The following ZBTB7B variants were observed in gnomAD, a reference collection of about 807,000 sequenced individuals.
The protein encoded by ZBTB7B is zinc finger and BTB domain-containing protein 7B.
A neutral mutation model predicts 31.0 loss-of-function variants in ZBTB7B; 8 were observed. The ratio of observed to expected loss-of-function variants is 0.26; its 90% CI spans 0.15 to 0.47. The LOEUF is 0.47. Ranked by LOEUF, ZBTB7B falls within the 20% of genes least tolerant of loss-of-function variation. ZBTB7B has a pLI of 0.99. For synonymous variants in ZBTB7B, 261 were observed against 307.3 expected (o/e 0.85, Z 1.58); for missense variants, 494 against 742.4 (o/e 0.67, Z 3.89).
intron 1 of ZBTB7B, among the ~76,000 whole-genome samples, chr1:155,005,236 G>C (rs1331395812): frequency 2.0e-5 from 3 of 152,120 alleles, no homozygotes; most frequent in Non-Finnish European, 4.4e-5. Context: ...AGCGCTCTGG[G>C]GTGGGGACAG....
chr1:155,012,568 G>A (rs751558936), intron 1 of ZBTB7B, among the ~76,000 whole-genome samples: 100 of 152,184 alleles, frequency 6.6e-4, no homozygotes, highest in Non-Finnish European at 1.2e-3. Flanking sequence ...CTCCCAGATG[G>A]CTTGGTTCCT....
rs1658343260 is a variant in ZBTB7B, at chr1:155,003,205, G to A, written c.-7+262G>A. ...CAGAAAGTTTATCTGCACTTCTCCT[G>A]GGATCAGACAGACAGACGGCTTCGG... On this transcript the variant is annotated intron_variant, in intron 1 of 2. Coordinates refer to ENST00000535420, the MANE Select transcript of ZBTB7B (RefSeq NM_001256455.2). The surrounding 1 kb of genome is among the most constrained non-coding windows in gnomAD (Gnocchi z 5.8). Among the ~76,000 whole-genome samples, 1 of 152,192 alleles carries A rather than the reference G, an allele frequency of 6.6e-6. No individual in the cohort carries two copies. The highest frequency in any genetic ancestry group is 1.5e-5 in the Non-Finnish European group (1 of 68,030).
chr1:155,009,538 G>A (rs771744836), intron 1 of ZBTB7B, among the ~76,000 whole-genome samples: 23 of 152,088 alleles, frequency 1.5e-4, no homozygotes, highest in Non-Finnish European at 2.6e-4. Context: ...GGCACCCTCC[G>A]GGGAAAGTCC....
At position 155,011,079 on chromosome 1, in the gene ZBTB7B, T is replaced by C. The variant is rs1003456345; in HGVS notation, c.-6-3576T>C. Reference sequence around the variant, plus strand: ...GCCTGTGTCCCAGGCCCATATCTATTTTCTCTGCTGCTAATCCTGGTTCCG... The same window carrying C: ...GCCTGTGTCCCAGGCCCATATCTATCTTCTCTGCTGCTAATCCTGGTTCCG... On this transcript the variant is annotated intron_variant, in intron 1 of 2. Coordinates refer to ENST00000535420, the MANE Select transcript of ZBTB7B (RefSeq NM_001256455.2). The C allele has an allele frequency of 4.4e-6, 6 of 1,351,520 alleles. No individual in the cohort carries two copies. In the African/African-American group the frequency reaches 8.7e-5, roughly 20 times the overall value. The allele number at this position is 1,351,520 out of a possible 1,614,324, so 83.7% of individuals were successfully genotyped here.
chr1:155,015,574 C>T lies in ZBTB7B; in HGVS notation c.914C>T (p.Ser305Leu), dbSNP rs773956513. The part of the protein sequence containing the change: ...GPPLSPEELG[S>L]DEDAIDPDLM... The stretch of plus-strand genomic sequence containing the variant: ...CCGCTGTCCCCAGAGGAGCTGGGCT[C>T]AGATGAGGATGCCATCGATCCTGAC... Residue 305 changes from serine (S) to leucine (L), a missense_variant, in exon 2 of 3, where the codon TCA becomes TTA. By Grantham distance (145) the Ser-to-Leu change is moderately radical. Transcript: ENST00000535420. The T allele has an allele frequency of 1.2e-6, 2 of 1,613,786 alleles. No homozygotes were observed. The highest frequency in any genetic ancestry group is 2.2e-5 in the East Asian group (1 of 44,866).
Position 155,015,482 on chromosome 1 carries a change from G to A in ZBTB7B, c.822G>A (p.Glu274=). ...GTCCCCAGAGCTACGAACCCTATGA[G>A]GGTGAGGAAGAAGAAGAGGAGCTGG... ...PEGPQSYEPY[E]GEEEEEELVY... The change falls in exon 2 of 3, where the codon GAG becomes GAA. Residue 274 remains glutamate (E), a synonymous_variant. Coordinates refer to ENST00000535420, the MANE Select transcript of ZBTB7B (RefSeq NM_001256455.2). The A allele has an allele frequency of 1.2e-6, 2 of 1,612,764 alleles. No homozygotes were observed. The highest frequency in any genetic ancestry group is 1.1e-5 in the South Asian group (1 of 90,884).
At chr1:155,010,335 CCCTCG>C (rs1447414483) in intron 1 of ZBTB7B, 1 of 154,150 alleles carries the variant, frequency 6.5e-6, no homozygotes, top group East Asian at 1.9e-4. Flanking sequence ...CAGCCAACTC[CCCTCG>C]CCTCCTTCCC....
chr1:155,012,662 G>A (rs1393051559), intron 1 of ZBTB7B, among the ~76,000 whole-genome samples: 2 of 151,932 alleles, frequency 1.3e-5, no homozygotes, highest in Non-Finnish European at 2.9e-5. Context: ...AGCAAAGAAG[G>A]ACATGCGGGT....
At chr1:155,005,780 C>A (rs974763621) in intron 1 of ZBTB7B, among the ~76,000 whole-genome samples, 1 of 152,210 alleles carries the variant, frequency 6.6e-6, no homozygotes, top group Non-Finnish European at 1.5e-5. Context: ...TCTTCCCCCT[C>A]CTTGTGCTGA....
At chr1:155,002,155 C>T (rs998652936), upstream of ZBTB7B, among the ~76,000 whole-genome samples, 2 of 152,034 alleles carry the variant, frequency 1.3e-5, no homozygotes, top group African/African-American at 4.8e-5. Context: ...CCCTCGGCTC[C>T]GCCCCCTCCC....
chr1:155,013,007 G>C (rs1659105970), intron 1 of ZBTB7B, among the ~76,000 whole-genome samples: 1 of 152,094 alleles, frequency 6.6e-6, no homozygotes, highest in African/African-American at 2.4e-5. Flanking sequence ...TAGTAGCTTG[G>C]TTCCCTCAGG....
At chr1:155,015,937 G>A (rs1659374464) in intron 2 of ZBTB7B, 123 bp downstream of exon 2, 1 of 1,279,680 alleles carries the variant, frequency 7.8e-7, no homozygotes, top group African/African-American at 1.5e-5. Context: ...CTGGGGCATG[G>A]GTGGGTTACT....
chr1:155,016,888 C>T lies in ZBTB7B; in HGVS notation c.*203C>T, dbSNP rs1442874300. ...GGCTCCCCAAATTGGGGTGATCCCC[C>T]AAGGAGTGATACATATATTGTGTAT... On this transcript the variant is annotated 3_prime_UTR_variant, in exon 3 of 3. Coordinates refer to ENST00000535420, the MANE Select transcript of ZBTB7B (RefSeq NM_001256455.2). This position sits in a 1 kb window ranked among gnomAD's most constrained non-coding sequence, Gnocchi z 4.3. The T allele has an allele frequency of 5.4e-6, 3 of 550,488 alleles. No homozygotes were observed. The highest frequency in any genetic ancestry group is 2.8e-5 in the South Asian group (1 of 36,284). The allele number at this position is 550,488 out of a possible 1,614,324, so 34.1% of individuals were successfully genotyped here.
chr1:155,006,282 G>A (rs1317482937), intron 1 of ZBTB7B, among the ~76,000 whole-genome samples: 1 of 152,150 alleles, frequency 6.6e-6, no homozygotes, highest in Non-Finnish European at 1.5e-5. Context: ...TCTTCCCTGA[G>A]GCCTCCAGAT....
intron 2 of ZBTB7B, 37 bp downstream of exon 2, chr1:155,015,851 T>TG: frequency 6.3e-7 from 1 of 1,592,694 alleles, no homozygotes. Flanking sequence ...GCAGGGGCCA[T>TG]GGGTAGGGGA....
chr1:155,015,060 A>G lies in ZBTB7B; in HGVS notation c.400A>G (p.Ile134Val), dbSNP rs1306363355. ...AARLLEIPCV[I>V]AACMEILQGS... ...CCGCCTGCTGGAGATCCCGTGTGTC[A>G]TCGCTGCTTGCATGGAGATTCTGCA... The change falls in exon 2 of 3, where the codon ATC (isoleucine) becomes GTC (valine). Residue 134 changes from isoleucine (I) to valine (V), a missense_variant. Ile to Val is a conservative substitution (Grantham distance 29). Around this residue, in one of 5 missense-constraint regions of ZBTB7B, gnomAD observed 90 missense variants for 143.2 expected, o/e 0.63. Transcript: ENST00000535420. 7 of 1,613,896 alleles carry G rather than the reference A, an allele frequency of 4.3e-6. No homozygotes were observed. The Middle Eastern group carries it at 4.9e-4, about 114-fold the overall frequency.
chr1:155,012,539 T>C (rs1659065630), intron 1 of ZBTB7B, among the ~76,000 whole-genome samples: 1 of 151,946 alleles, frequency 6.6e-6, no homozygotes, highest in South Asian at 2.1e-4. Context: ...GGCAGGAGGA[T>C]TAAAGGGAGC....
Position 155,004,195 on chromosome 1 carries a change from G to T in ZBTB7B, c.-7+1252G>T, listed in dbSNP as rs181807963. On this transcript the variant is annotated intron_variant, in intron 1 of 2. Coordinates refer to ENST00000535420, the MANE Select transcript of ZBTB7B (RefSeq NM_001256455.2). This position sits in a 1 kb window ranked among gnomAD's most constrained non-coding sequence, Gnocchi z 4.0. ...CCGGAAGTGGGTGCTGGGGAGAGGG[G>T]GAGACCGGCAGGCTGTCCAGGCTTC... Among the ~76,000 whole-genome samples the T allele has an allele frequency of 5.7e-3, 864 of 152,314 alleles. 2 individuals carry two copies. The highest frequency in any genetic ancestry group is 8.5e-3 in the Non-Finnish European group (581 of 68,022).
At position 155,003,935 on chromosome 1, in the gene ZBTB7B, G is replaced by A. The variant is rs1172131435; in HGVS notation, c.-7+992G>A. Among the ~76,000 whole-genome samples, 1 of 152,192 alleles carries A rather than the reference G, an allele frequency of 6.6e-6. No individual in the cohort carries two copies. Among genetic ancestry groups the A allele is most frequent in the Non-Finnish European group, 1.5e-5 (1 of 68,016 alleles). Reference sequence around the variant, plus strand: ...GCGGCGTGGGCAGCGGGTTGTGCCCGGACACGTGCCTGCCCAGGCGCCCCG... The same window carrying A: ...GCGGCGTGGGCAGCGGGTTGTGCCCAGACACGTGCCTGCCCAGGCGCCCCG... On this transcript the variant is annotated intron_variant, in intron 1 of 2. Coordinates refer to ENST00000535420, the MANE Select transcript of ZBTB7B (RefSeq NM_001256455.2). The surrounding 1 kb of genome is among the most constrained non-coding windows in gnomAD (Gnocchi z 5.8).
Sources: allele counts gnomAD v4.1 joint callset (sites outside exome capture counted in the v4.1 genomes callset), GRCh38; gene constraint gnomAD v4.1.1; regional missense constraint gnomAD v4.1.1; non-coding constraint Gnocchi (gnomAD v3.1); transcripts MANE v1.5; gene names NCBI Gene and HGNC (gene_info 2026-07-23, HGNC 2026-07-21).